The following TBC1D1 variants were observed in gnomAD, a reference collection of about 807,000 sequenced individuals.
TBC1D1 encodes TBC1 domain family member 1, also known as TBC1 (tre-2/USP6, BUB2, cdc16) domain family, member 1.
A neutral mutation model predicts 125.6 loss-of-function variants in TBC1D1; 89 were observed. The ratio of observed to expected loss-of-function variants is 0.71; its 90% CI spans 0.60 to 0.85. TBC1D1 has a LOEUF of 0.85. Ranked by LOEUF, TBC1D1 falls within the 40% of genes least tolerant of loss-of-function variation. The probability of loss-of-function intolerance (pLI) is 0.00; values close to 1 mark genes in which losing one functional copy is unlikely to be tolerated. For synonymous variants in TBC1D1, 565 were observed against 564.1 expected, an observed-to-expected ratio of 1.00 and a Z score of -0.02; for missense variants, 1,377 against 1,469.2, an observed-to-expected ratio of 0.94 and a Z score of 1.03.
chr4:38,137,430 G>C lies in TBC1D1; in HGVS notation c.*95G>C, dbSNP rs540324457. 39 of 1,339,948 alleles carry C rather than the reference G, an allele frequency of 2.9e-5. No individual in the cohort carries two copies. In the African/African-American group the frequency reaches 5.4e-4, roughly 19 times the overall value. 83.0% of individuals were successfully genotyped at this position (1,339,948 alleles called of 1,614,324 possible). On this transcript the variant is annotated 3_prime_UTR_variant, in exon 20 of 20. Coordinates refer to ENST00000261439, the MANE Select transcript of TBC1D1 (RefSeq NM_015173.4). ...CTGGAAGGAGAGAAGGAAGCGGGAA[G>C]TGTGCTTCTCAGGGAGGAAACCGGC...
Position 38,137,261 on chromosome 4 carries a change from G to C in TBC1D1, c.3433G>C (p.Glu1145Gln). 6.2e-7 allele frequency: 1 copy of C among 1,612,020 alleles called. No homozygotes were observed. The highest frequency in any genetic ancestry group is 1.1e-5 in the South Asian group (1 of 91,004). Residue 1145 changes from glutamate (E) to glutamine (Q), a missense_variant, in exon 20 of 20, where the codon GAG becomes CAG. Physicochemically the swap from Glu to Gln is conservative, Grantham distance 29. This residue lies in a region of TBC1D1 where 543 missense variants were observed against 613.5 expected (regional missense o/e 0.89). Coordinates refer to ENST00000261439, the MANE Select transcript of TBC1D1 (RefSeq NM_015173.4). ...GTCGGCCCTGCTGCAGACGGTGGAG[G>C]AGCTGCGGCGGCGGAGCGCAGAGCC...
intron 1 of TBC1D1, among the ~76,000 whole-genome samples, chr4:37,896,713 C>G (rs1247517868): frequency 1.3e-5 from 2 of 150,308 alleles, no homozygotes; most frequent in Non-Finnish European, 2.9e-5. Context: ...TTGGATTGTC[C>G]CAATTCTGTC....
chr4:37,905,130 C>A (rs180953696), intron 2 of TBC1D1, among the ~76,000 whole-genome samples: 4 of 152,256 alleles, frequency 2.6e-5, no homozygotes, highest in Admixed American at 2.6e-4. Context: ...GGAGAAGAGG[C>A]ATGTAAAGGA....
At chr4:38,062,530 A>T (rs1183989520) in intron 12 of TBC1D1, among the ~76,000 whole-genome samples, 1 of 152,126 alleles carries the variant, frequency 6.6e-6, no homozygotes, top group Non-Finnish European at 1.5e-5. Context: ...CAGGTTCAAG[A>T]TAAAATATTG....
rs1052300585 is a variant in TBC1D1, at chr4:37,977,174, A to G, written c.418-37335A>G. On this transcript the variant is annotated intron_variant, in intron 2 of 19. Coordinates refer to ENST00000261439, the MANE Select transcript of TBC1D1 (RefSeq NM_015173.4). The surrounding 1 kb of genome is among the most constrained non-coding windows in gnomAD (Gnocchi z 4.3). ...CATCTCGGAAGGGGGCGACCCCAGC[A>G]TGTCCCAACTTCCCGCCAGCAGCGG... 3.9e-5 allele frequency: 6 copies of G among 152,142 alleles called. No individual in the cohort carries two copies. Among genetic ancestry groups the G allele is most frequent in the South Asian group, 2.1e-4 (1 of 4,832 alleles). 9.4% of individuals were successfully genotyped at this position (152,142 alleles called of 1,614,324 possible).
intron 15 of TBC1D1, among the ~76,000 whole-genome samples, chr4:38,115,194 A>G (rs1032787829): frequency 6.8e-6 from 1 of 146,848 alleles, no homozygotes; most frequent in Non-Finnish European, 1.5e-5. Flanking sequence ...TCTGCCTCCC[A>G]GGTTCAAGCA....
rs536916079 is a variant in TBC1D1, at chr4:37,986,316, CA to C, written c.418-28192del. On this transcript the variant is annotated intron_variant, in intron 2 of 19. Coordinates refer to ENST00000261439, the MANE Select transcript of TBC1D1 (RefSeq NM_015173.4). ...TGGCAGAACTTAAAAAGTTCTTGGACACCTGTTTTTGAGGTACATTGTTAAT... is the reference window on the plus strand; with the variant it reads ...TGGCAGAACTTAAAAAGTTCTTGGACCCTGTTTTTGAGGTACATTGTTAAT... 3.0e-4 allele frequency among the ~76,000 whole-genome samples: 45 copies of C among 152,328 alleles called. No individual in the cohort carries two copies. The Middle Eastern group carries it at 0.01, about 35-fold the overall frequency.
chr4:38,112,201 A>G (rs1003690256), intron 15 of TBC1D1: 1 of 517,570 alleles, frequency 1.9e-6, no homozygotes, highest in African/African-American at 2.1e-5. Flanking sequence ...TTTCAGTTCT[A>G]CCTGCTTGTG....
intron 2 of TBC1D1, among the ~76,000 whole-genome samples, chr4:37,958,243 T>G (rs184017910): frequency 6.6e-6 from 1 of 152,358 alleles, no homozygotes; most frequent in East Asian, 1.9e-4. Flanking sequence ...CAAAGCAGAT[T>G]CATCTCCTAG....
intron 12 of TBC1D1, among the ~76,000 whole-genome samples, chr4:38,072,112 A>G (rs1012452366): frequency 1.3e-5 from 2 of 152,194 alleles, no homozygotes; most frequent in African/African-American, 4.8e-5. Flanking sequence ...GTCTTGTTTC[A>G]TCAGAGGCAG....
chr4:38,005,274 C>T (rs1472707566), intron 2 of TBC1D1, among the ~76,000 whole-genome samples: 1 of 152,220 alleles, frequency 6.6e-6, no homozygotes, highest in Admixed American at 6.5e-5. Context: ...GCAAAGCTTA[C>T]ATTTTTCAGT....
intron 2 of TBC1D1, among the ~76,000 whole-genome samples, chr4:37,944,965 C>CCATCTTGGGT (rs1726365490): frequency 2.0e-5 from 3 of 152,156 alleles, no homozygotes; most frequent in African/African-American, 7.2e-5. Flanking sequence ...TCCTATTTGG[C>CCATCTTGGGT]CATCTTGGGT....
chr4:37,991,743 TA>T, intron 2 of TBC1D1, among the ~76,000 whole-genome samples: 1 of 152,194 alleles, frequency 6.6e-6, no homozygotes, highest in East Asian at 1.9e-4. Context: ...CAGTGTTGCC[TA>T]AAAAACCAGT....
At chr4:38,038,957 A>T (rs1415248093) in intron 8 of TBC1D1, among the ~76,000 whole-genome samples, 1 of 151,524 alleles carries the variant, frequency 6.6e-6, no homozygotes, top group Non-Finnish European at 1.5e-5. Context: ...GGAAAAAAAA[A>T]AAAATTTCAT....
chr4:37,907,923 G>A (rs1717683379), intron 2 of TBC1D1, among the ~76,000 whole-genome samples: 1 of 152,180 alleles, frequency 6.6e-6, no homozygotes. Flanking sequence ...AAAAGTAATT[G>A]CATTTTCATT....
intron 2 of TBC1D1, among the ~76,000 whole-genome samples, chr4:37,971,726 C>A (rs144309708): frequency 2.6e-5 from 4 of 152,310 alleles, no homozygotes; most frequent in African/African-American, 9.6e-5. Context: ...AAGAGTGGTT[C>A]TTGATCCTGG....
At chr4:38,033,370 C>T (rs1258709678) in intron 7 of TBC1D1, among the ~76,000 whole-genome samples, 1 of 150,984 alleles carries the variant, frequency 6.6e-6, no homozygotes, top group African/African-American at 2.5e-5. Flanking sequence ...TTCCCTGGAT[C>T]ATTTTTTTTT....
intron 2 of TBC1D1, among the ~76,000 whole-genome samples, chr4:37,916,960 G>A (rs900023158): frequency 5.3e-5 from 8 of 151,478 alleles, no homozygotes; most frequent in Non-Finnish European, 1.0e-4. Flanking sequence ...TGGTAGACAC[G>A]GGATTTCACC....
chr4:38,118,306 G>A (rs1763305779), intron 17 of TBC1D1, 114 bp downstream of exon 19: 4 of 1,294,262 alleles, frequency 3.1e-6, no homozygotes, highest in East Asian at 4.7e-5. Context: ...TACCAGAACA[G>A]GGTATTGTTT....
Sources: allele counts gnomAD v4.1 joint callset (sites outside exome capture counted in the v4.1 genomes callset), GRCh38; gene constraint gnomAD v4.1.1; regional missense constraint gnomAD v4.1.1; non-coding constraint Gnocchi (gnomAD v3.1); transcripts MANE v1.5; gene names NCBI Gene and HGNC (gene_info 2026-07-23, HGNC 2026-07-21).